PLPPR1: variants seen among roughly 807,000 people sequenced by gnomAD.
The protein encoded by PLPPR1 is phospholipid phosphatase-related protein type 1.
A neutral mutation model predicts 33.1 loss-of-function variants in PLPPR1; 10 were observed. The observed-to-expected ratio is 0.30, with a 90% CI of 0.19 to 0.51. The LOEUF is 0.51. Ranked by LOEUF, PLPPR1 falls within the 20% of genes least tolerant of loss-of-function variation. The probability of loss-of-function intolerance (pLI) is 0.97; values close to 1 mark genes in which losing one functional copy is unlikely to be tolerated. For missense variants in PLPPR1, 304 were observed against 408.1 expected (o/e 0.74, Z 2.20); for synonymous variants, 151 against 151.0 (o/e 1.00, Z 0.00).
intron 3 of PLPPR1, among the ~76,000 whole-genome samples, chr9:101,271,025 AGAT>A (rs1828090200): frequency 6.6e-6 from 1 of 152,200 alleles, no homozygotes; most frequent in South Asian, 2.1e-4. Flanking sequence ...GCTTGCTTTC[AGAT>A]GAGAAATGGA....
chr9:101,045,911 ATCAGTT>A (rs1830137713), intron 1 of PLPPR1, among the ~76,000 whole-genome samples: 1 of 152,240 alleles, frequency 6.6e-6, no homozygotes, highest in Non-Finnish European at 1.5e-5. Flanking sequence ...CTCAATAAAT[ATCAGTT>A]ATCTTCCCCT....
rs1381959637 is a variant in PLPPR1, at chr9:101,107,798, G to T, written c.-45-77652G>T. On this transcript the variant is annotated intron_variant, in intron 1 of 7. Transcript: ENST00000374874. ...TCAGACTGCTGTGCTAGCAATCAGC[G>T]AGATTCCGTGGGCGTAGGACCCTCT... Among the ~76,000 whole-genome samples, 6 of 145,486 alleles carry T rather than the reference G, an allele frequency of 4.1e-5. 1 individual carries two copies. In the East Asian group the frequency reaches 1.2e-3, roughly 30 times the overall value.
intron 1 of PLPPR1, chr9:101,131,560 C>G (rs776744156): frequency 6.6e-6 from 1 of 152,178 alleles, no homozygotes; most frequent in Non-Finnish European, 1.5e-5. Flanking sequence ...GTAGAGGACT[C>G]GTCGTGAGCG....
Position 101,114,425 on chromosome 9 carries a change from A to C in PLPPR1, c.-45-71025A>C, listed in dbSNP as rs139107918. ...GAGACCTTAAACCTGAAGATCCAGG[A>C]AATAGATATGGCTGTGTGGATAGGG... On this transcript the variant is annotated intron_variant, in intron 1 of 7. Coordinates refer to ENST00000374874, the MANE Select transcript of PLPPR1 (RefSeq NM_207299.2). 8.4e-3 allele frequency among the ~76,000 whole-genome samples: 1,275 copies of C among 152,332 alleles called. 15 individuals carry two copies. Among genetic ancestry groups the C allele is most frequent in the Non-Finnish European group, 0.015 (1,010 of 68,030 alleles).
chr9:101,318,090 G>A (rs559192408), intron 7 of PLPPR1, among the ~76,000 whole-genome samples: 1 of 152,280 alleles, frequency 6.6e-6, no homozygotes, highest in South Asian at 2.1e-4. Context: ...CAGCACTTTT[G>A]GAGGCCAAGG....
intron 2 of PLPPR1, among the ~76,000 whole-genome samples, chr9:101,258,397 T>A (rs1416804837): frequency 2.0e-5 from 3 of 152,178 alleles, no homozygotes; most frequent in African/African-American, 7.2e-5. Flanking sequence ...ACTTCATCTT[T>A]ATATTTCTCT....
intron 1 of PLPPR1, among the ~76,000 whole-genome samples, chr9:101,084,007 C>T (rs1830649951): frequency 6.6e-6 from 1 of 152,170 alleles, no homozygotes; most frequent in Admixed American, 6.5e-5. Context: ...TGTGTTTGGC[C>T]TGAGTGGCTG....
chr9:101,280,104 G>A (rs141571012), intron 3 of PLPPR1, among the ~76,000 whole-genome samples: 127 of 152,184 alleles, frequency 8.3e-4, no homozygotes, highest in Non-Finnish European at 1.5e-3. Context: ...TGAAAAAAGA[G>A]ACATTGCAAC....
intron 2 of PLPPR1, among the ~76,000 whole-genome samples, chr9:101,238,725 T>G (rs1277011151): frequency 1.3e-5 from 2 of 151,772 alleles, no homozygotes; most frequent in African/African-American, 4.8e-5. Flanking sequence ...AGCCCAGACT[T>G]CACCTCTGTG....
At chr9:101,268,879 G>A (rs1017241487) in intron 2 of PLPPR1, among the ~76,000 whole-genome samples, 1 of 151,968 alleles carries the variant, frequency 6.6e-6, no homozygotes, top group Admixed American at 6.5e-5. Flanking sequence ...CTCAATCTAA[G>A]CACATGTTTA....
chr9:101,100,124 G>A (rs1371327394), intron 1 of PLPPR1, among the ~76,000 whole-genome samples: 1 of 151,352 alleles, frequency 6.6e-6, no homozygotes, highest in African/African-American at 2.4e-5. Flanking sequence ...TTTCTTACGT[G>A]CAATATTCTG....
At chr9:101,063,017 CT>C (rs1830365268) in intron 1 of PLPPR1, among the ~76,000 whole-genome samples, 1 of 152,082 alleles carries the variant, frequency 6.6e-6, no homozygotes, top group East Asian at 1.9e-4. Context: ...TCTCAGTCAA[CT>C]GTTTTTCATA....
At chr9:101,075,549 A>G (rs1235275906) in intron 1 of PLPPR1, among the ~76,000 whole-genome samples, 1 of 152,228 alleles carries the variant, frequency 6.6e-6, no homozygotes, top group Non-Finnish European at 1.5e-5. Flanking sequence ...CAATCAAGGT[A>G]GAGTCATTTG....
chr9:101,289,063 G>T (rs1828447042), intron 4 of PLPPR1, among the ~76,000 whole-genome samples: 1 of 152,252 alleles, frequency 6.6e-6, no homozygotes, highest in Non-Finnish European at 1.5e-5. Context: ...CCACTCCCTT[G>T]TGAGGCCCTC....
At chr9:101,320,234 C>T (rs984886897) in intron 7 of PLPPR1, among the ~76,000 whole-genome samples, 2 of 152,186 alleles carry the variant, frequency 1.3e-5, no homozygotes, top group Non-Finnish European at 2.9e-5. Flanking sequence ...CAATTTGAGG[C>T]CTTGCCCGAA....
At chr9:101,060,289 G>A (rs1830329547) in intron 1 of PLPPR1, among the ~76,000 whole-genome samples, 1 of 151,938 alleles carries the variant, frequency 6.6e-6, no homozygotes, top group African/African-American at 2.4e-5. Context: ...GAAAAACAGA[G>A]TAAAATGGTG....
intron 2 of PLPPR1, among the ~76,000 whole-genome samples, chr9:101,213,458 T>C (rs1224976783): frequency 6.6e-6 from 1 of 152,174 alleles, no homozygotes; most frequent in Non-Finnish European, 1.5e-5. Flanking sequence ...ATAGTAAAAG[T>C]GCAGAAGCAT....
In PLPPR1 at chr9:101,072,129, G is replaced by A. The variant is rs138109331; in HGVS notation, c.-46+43027G>A. ...GTATTAGTTAGATAGCCTATTTACT[G>A]TGTCAGATATCCCTACAGTCTAGCG... On this transcript the variant is annotated intron_variant, in intron 1 of 7. Transcript: ENST00000374874. Among the ~76,000 whole-genome samples, 28 of 152,254 alleles carry A rather than the reference G, an allele frequency of 1.8e-4. No individual in the cohort carries two copies. The East Asian group carries it at 5.2e-3, about 28-fold the overall frequency.
chr9:101,066,169 TATA>T (rs1830410788), intron 1 of PLPPR1, among the ~76,000 whole-genome samples: 1 of 152,066 alleles, frequency 6.6e-6, no homozygotes, highest in Non-Finnish European at 1.5e-5. Flanking sequence ...AGATATTTCA[TATA>T]ATGTTTTTCA....
Sources: gnomAD v4.1 joint callset for allele counts (sites outside exome capture counted in the v4.1 genomes callset) on GRCh38, gnomAD v4.1.1 for gene constraint, MANE v1.5 for transcripts, NCBI Gene and HGNC (gene_info 2026-07-23, HGNC 2026-07-21) for gene names.